The following NTM variants were observed in gnomAD, a reference collection of about 807,000 sequenced individuals.
NTM encodes the protein neurotrimin.
A neutral mutation model predicts 42.1 loss-of-function variants in NTM; 13 were observed. That is an observed-to-expected ratio of 0.31 (90% CI 0.20 to 0.49). The LOEUF is 0.49. Among genes scored for constraint, NTM ranks in the 20% least tolerant of loss-of-function variants. NTM has a pLI of 0.99. For missense variants in NTM, 373 were observed against 452.8 expected (o/e 0.82, Z 1.60); for synonymous variants, 187 against 179.2 (o/e 1.04, Z -0.35).
At position 131,955,312 on chromosome 11, in the gene NTM, T is replaced by A. The variant is rs577830069; in HGVS notation, c.167+43664T>A. ...GCGTTGCCTGGAATAGTAATGAGTT[T>A]GAAATTTTCCCCAGATGTTGAAGGG... On this transcript the variant is annotated intron_variant, in intron 2 of 8. Coordinates refer to ENST00000683400, the MANE Select transcript of NTM (RefSeq NM_001352005.2). 2.0e-5 allele frequency among the ~76,000 whole-genome samples: 3 copies of A among 152,262 alleles called. No individual in the cohort carries two copies. The South Asian group carries it at 6.2e-4, about 32-fold the overall frequency.
chr11:132,072,429 A>G (rs1399603800), intron 2 of NTM, among the ~76,000 whole-genome samples: 1 of 152,060 alleles, frequency 6.6e-6, no homozygotes, highest in Non-Finnish European at 1.5e-5. Flanking sequence ...TGTGCAACTG[A>G]TTTGTTGCTT....
chr11:132,322,466 CAAG>C (rs2095592171), intron 7 of NTM, among the ~76,000 whole-genome samples: 1 of 135,698 alleles, frequency 7.4e-6, no homozygotes, highest in African/African-American at 2.8e-5. Context: ...ATCAATTCAA[CAAG>C]AAGAGCTAAC....
At chr11:131,426,862 C>T (rs1948181020) in intron 1 of NTM, among the ~76,000 whole-genome samples, 1 of 152,104 alleles carries the variant, frequency 6.6e-6, no homozygotes, top group African/African-American at 2.4e-5. Flanking sequence ...ATTCCTCCTC[C>T]TCTATCCACA....
chr11:131,775,242 C>T (rs1370297088), intron 1 of NTM, among the ~76,000 whole-genome samples: 1 of 152,218 alleles, frequency 6.6e-6, no homozygotes, highest in African/African-American at 2.4e-5. Flanking sequence ...AGCATTACAA[C>T]TCATCTGTGC....
At chr11:131,525,275 A>G (rs403582) in intron 1 of NTM, among the ~76,000 whole-genome samples, 2 of 151,890 alleles carry the variant, frequency 1.3e-5, no homozygotes, top group African/African-American at 4.8e-5. Flanking sequence ...GTGGGTGCTG[A>G]CCCCGGTGCC....
intron 2 of NTM, among the ~76,000 whole-genome samples, chr11:132,078,905 A>G (rs940695426): frequency 1.8e-4 from 28 of 152,136 alleles, no homozygotes; most frequent in Admixed American, 1.1e-3. Context: ...TCTGAATGGG[A>G]TTTCAATAAG....
chr11:131,903,408 G>A (rs773216348), intron 1 of NTM, among the ~76,000 whole-genome samples: 5 of 152,176 alleles, frequency 3.3e-5, no homozygotes, highest in South Asian at 2.1e-4. Flanking sequence ...TATTAACAGC[G>A]TATTTATTGA....
intron 1 of NTM, among the ~76,000 whole-genome samples, chr11:131,656,395 C>T (rs1190568762): frequency 3.9e-5 from 6 of 152,352 alleles, no homozygotes; most frequent in Admixed American, 1.3e-4. Context: ...AAGCAACTCT[C>T]GCTTTCTTTT....
chr11:131,534,690 T>C (rs1330470702), intron 1 of NTM: 1 of 152,226 alleles, frequency 6.6e-6, no homozygotes, highest in East Asian at 1.9e-4. Context: ...AAAGAAACTT[T>C]TCTAACCGTC....
At chr11:132,235,921 A>C (rs529118159) in intron 4 of NTM, among the ~76,000 whole-genome samples, 1 of 152,238 alleles carries the variant, frequency 6.6e-6, no homozygotes, top group African/African-American at 2.4e-5. Context: ...CCTTTTTGGA[A>C]TACATGTCAT....
chr11:132,162,744 T>C (rs1201797608), intron 3 of NTM, among the ~76,000 whole-genome samples: 1 of 131,092 alleles, frequency 7.6e-6, no homozygotes, highest in Non-Finnish European at 1.8e-5. Flanking sequence ...TGAGTGTGTG[T>C]ATGTGTTTGT....
chr11:131,566,485 G>T (rs1220268150), intron 1 of NTM, among the ~76,000 whole-genome samples: 4 of 151,996 alleles, frequency 2.6e-5, no homozygotes, highest in Admixed American at 2.0e-4. Flanking sequence ...GATGCAAGGG[G>T]CATGCAGAAG....
At chr11:131,457,693 A>G (rs1046687315) in intron 1 of NTM, among the ~76,000 whole-genome samples, 1 of 152,050 alleles carries the variant, frequency 6.6e-6, no homozygotes. Flanking sequence ...TTGGAATCAT[A>G]TGTGCAATGC....
At chr11:132,116,994 A>G (rs1371241680) in intron 2 of NTM, among the ~76,000 whole-genome samples, 3 of 152,202 alleles carry the variant, frequency 2.0e-5, no homozygotes, top group Non-Finnish European at 4.4e-5. Context: ...ATATTTTCTC[A>G]AGAGGTGAGA....
intron 4 of NTM, among the ~76,000 whole-genome samples, chr11:132,222,789 C>T (rs1592325121): frequency 6.6e-6 from 1 of 152,306 alleles, no homozygotes; most frequent in East Asian, 1.9e-4. Flanking sequence ...AAAAACAAAC[C>T]TCTTTTCCTC....
At chr11:132,220,750 G>A (rs1053932052) in intron 4 of NTM, among the ~76,000 whole-genome samples, 8 of 152,184 alleles carry the variant, frequency 5.3e-5, no homozygotes, top group Admixed American at 4.6e-4. Flanking sequence ...CTTGGTGACC[G>A]TTACCATGCA....
chr11:131,691,963 C>A (rs1373813815), intron 1 of NTM, among the ~76,000 whole-genome samples: 1 of 152,126 alleles, frequency 6.6e-6, no homozygotes, highest in Non-Finnish European at 1.5e-5. Flanking sequence ...GGGAGCTGGA[C>A]CCCCTCCTGG....
At chr11:132,241,287 C>G (rs986979332) in intron 4 of NTM, among the ~76,000 whole-genome samples, 1 of 152,008 alleles carries the variant, frequency 6.6e-6, no homozygotes, top group African/African-American at 2.4e-5. Flanking sequence ...TCATATATAA[C>G]AAATTTATAT....
chr11:131,603,165 T>C (rs1017250538), intron 1 of NTM, among the ~76,000 whole-genome samples: 8 of 152,114 alleles, frequency 5.3e-5, no homozygotes, highest in African/African-American at 1.7e-4. Flanking sequence ...TGCACCTGTG[T>C]CCCATGCTTG....
Sources: allele counts gnomAD v4.1 joint callset (sites outside exome capture counted in the v4.1 genomes callset), GRCh38; gene constraint gnomAD v4.1.1; transcripts MANE v1.5; gene names NCBI Gene and HGNC (gene_info 2026-07-23, HGNC 2026-07-21).